CLSTN2: variants seen among roughly 807,000 people sequenced by gnomAD.
CLSTN2 encodes calsyntenin 2.
CLSTN2 carries 48 observed loss-of-function variants against 101.2 expected under a neutral mutation model. The observed-to-expected ratio is 0.47, with a 90% CI of 0.38 to 0.60. The LOEUF (loss-of-function observed/expected upper bound fraction) is 0.60. Ranked by LOEUF, CLSTN2 falls within the 20% of genes least tolerant of loss-of-function variation. The probability of loss-of-function intolerance (pLI) is 0.00; values close to 1 mark genes in which losing one functional copy is unlikely to be tolerated. For missense variants in CLSTN2, 1,160 were observed against 1,238.2 expected (o/e 0.94, Z 0.95); for synonymous variants, 481 against 463.6 (o/e 1.04, Z -0.48).
At chr3:140,495,980 C>T (rs1934457580) in intron 8 of CLSTN2, among the ~76,000 whole-genome samples, 1 of 152,032 alleles carries the variant, frequency 6.6e-6, no homozygotes. Flanking sequence ...TTTTAAAATA[C>T]TTTCTTCAAA....
chr3:140,270,983 G>A (rs1415477808), intron 2 of CLSTN2, among the ~76,000 whole-genome samples: 1 of 152,102 alleles, frequency 6.6e-6, no homozygotes, highest in Non-Finnish European at 1.5e-5. Flanking sequence ...GGATAGTCTT[G>A]CAACAGAGTA....
At chr3:140,073,714 G>A (rs538873116) in intron 1 of CLSTN2, among the ~76,000 whole-genome samples, 1 of 152,358 alleles carries the variant, frequency 6.6e-6, no homozygotes, top group East Asian at 1.9e-4. Context: ...TTGGCAGAGA[G>A]CATTTAAAAT....
intron 1 of CLSTN2, among the ~76,000 whole-genome samples, chr3:140,003,348 T>C (rs1414102608): frequency 6.6e-6 from 1 of 152,232 alleles, no homozygotes; most frequent in East Asian, 1.9e-4. Context: ...ATTTTTCGTA[T>C]TGTTCACTAT....
chr3:140,568,642 T>A lies in CLSTN2; in HGVS notation c.*2389T>A, dbSNP rs1053192508. ...GCAGCAAAAAGAACACTTCATATGC[T>A]TAAAACCCATTCTTTTTGAATTAGA... On this transcript the variant is annotated 3_prime_UTR_variant, in exon 17 of 17. Coordinates refer to ENST00000458420, the MANE Select transcript of CLSTN2 (RefSeq NM_022131.3). 3 of 152,236 alleles carry A rather than the reference T, an allele frequency of 2.0e-5. No individual in the cohort carries two copies. Among genetic ancestry groups the A allele is most frequent in the Non-Finnish European group, 4.4e-5 (3 of 68,044 alleles). 9.4% of individuals were successfully genotyped at this position (152,236 alleles called of 1,614,324 possible).
At chr3:140,415,150 AT>A (rs2088413844) in intron 4 of CLSTN2, among the ~76,000 whole-genome samples, 1 of 152,012 alleles carries the variant, frequency 6.6e-6, no homozygotes, top group Admixed American at 6.6e-5. Context: ...ACAAAGCAAA[AT>A]TGGACCCTTC....
At chr3:140,515,631 A>C (rs184484378) in intron 8 of CLSTN2, among the ~76,000 whole-genome samples, 2 of 152,256 alleles carry the variant, frequency 1.3e-5, no homozygotes, top group Non-Finnish European at 2.9e-5. Context: ...TTACCCAACA[A>C]GCATTCAGGA....
intron 2 of CLSTN2, among the ~76,000 whole-genome samples, chr3:140,201,965 G>T (rs536674726): frequency 6.6e-6 from 1 of 152,158 alleles, no homozygotes; most frequent in Non-Finnish European, 1.5e-5. Context: ...GCAAAGTTTC[G>T]AAGGAAATGA....
At chr3:140,332,935 C>T (rs2087401722) in intron 2 of CLSTN2, among the ~76,000 whole-genome samples, 1 of 152,194 alleles carries the variant, frequency 6.6e-6, no homozygotes, top group African/African-American at 2.4e-5. Flanking sequence ...GACCTGTATT[C>T]AAAGCCAGGT....
At chr3:139,948,869 G>A (rs1935251356) in intron 1 of CLSTN2, among the ~76,000 whole-genome samples, 1 of 152,128 alleles carries the variant, frequency 6.6e-6, no homozygotes, top group South Asian at 2.1e-4. Flanking sequence ...CCTGTTCCTG[G>A]GCTAGAAATG....
chr3:140,326,573 G>A (rs1022558787), intron 2 of CLSTN2, among the ~76,000 whole-genome samples: 14 of 152,134 alleles, frequency 9.2e-5, no homozygotes, highest in African/African-American at 2.7e-4. Flanking sequence ...AACACATGGC[G>A]TATTTAATAT....
chr3:140,245,104 G>A (rs115082033), intron 2 of CLSTN2, among the ~76,000 whole-genome samples: 267 of 152,224 alleles, frequency 1.8e-3, no homozygotes, highest in African/African-American at 6.2e-3. Context: ...AGTTATTCTG[G>A]TATGTGTGGC....
At chr3:140,266,354 A>G (rs915412636) in intron 2 of CLSTN2, among the ~76,000 whole-genome samples, 2 of 152,238 alleles carry the variant, frequency 1.3e-5, no homozygotes, top group Non-Finnish European at 2.9e-5. Flanking sequence ...AAACAACAAA[A>G]GAAAACTTGA....
In CLSTN2 at chr3:140,299,986, T is replaced by A. The variant is rs2087042955; in HGVS notation, c.233-103643T>A. On this transcript the variant is annotated intron_variant, in intron 2 of 16. Transcript: ENST00000458420. ...TGGTTTTGTGTACAGCCTTGCCTTT[T>A]GATGAAAAGAATAACTTCCGAATTG... Among the ~76,000 whole-genome samples the A allele has an allele frequency of 2.6e-5, 4 of 152,170 alleles. No homozygotes were observed. In the South Asian group the frequency reaches 8.3e-4, roughly 31 times the overall value.
intron 4 of CLSTN2, 45 bp downstream of exon 4, chr3:140,404,811 C>A: frequency 6.6e-7 from 1 of 1,514,934 alleles, no homozygotes; most frequent in Non-Finnish European, 9.2e-7. Context: ...AAAACAAATC[C>A]ATCGCCTCCA....
intron 9 of CLSTN2, among the ~76,000 whole-genome samples, chr3:140,541,362 G>A (rs1935473938): frequency 1.3e-5 from 2 of 152,232 alleles, no homozygotes; most frequent in African/African-American, 4.8e-5. Context: ...CCTGAGTGGG[G>A]GAGATTTAAG....
rs1985565355 is a variant in CLSTN2, at chr3:140,571,910, T to G, written c.*5657T>G. On this transcript the variant is annotated 3_prime_UTR_variant, in exon 17 of 17. Transcript: ENST00000458420. ...AGAAAGCTGACAGATATTCCCTGTA[T>G]GCAGGTAGTAAACAGATGGGAGTCT... The G allele has an allele frequency of 6.6e-6, 1 of 152,320 alleles. No homozygotes were observed. The highest frequency in any genetic ancestry group is 2.4e-5 in the African/African-American group (1 of 41,466). The allele number at this position is 152,320 out of a possible 1,614,324, so 9.4% of individuals were successfully genotyped here.
In CLSTN2 at chr3:139,955,112, CTATATATATATA is replaced by C. The variant is rs58418059; in HGVS notation, c.109+19645_109+19656del. Among the ~76,000 whole-genome samples the C allele has an allele frequency of 4.2e-4, 30 of 71,504 alleles. 1 individual carries two copies. Among genetic ancestry groups the C allele is most frequent in the Admixed American group, 9.1e-4 (5 of 5,476 alleles). 46.9% of individuals were successfully genotyped at this position (71,504 alleles called of 152,430 possible). A position where few individuals can be genotyped will look rare whatever the true frequency, so the allele number is the denominator to read the frequency against. ...CATACATGTATATATGGCAATATTG[CTATATATATATA>C]TATATATATATATATGGCAATTCCA... On this transcript the variant is annotated intron_variant, in intron 1 of 16. Coordinates refer to ENST00000458420, the MANE Select transcript of CLSTN2 (RefSeq NM_022131.3).
At chr3:140,282,131 G>C (rs371715313) in intron 2 of CLSTN2, among the ~76,000 whole-genome samples, 4 of 152,194 alleles carry the variant, frequency 2.6e-5, no homozygotes, top group African/African-American at 9.6e-5. Context: ...CTTACACTAT[G>C]TCTCTGCTTA....
chr3:140,229,200 A>T (rs2086350498), intron 2 of CLSTN2, among the ~76,000 whole-genome samples: 1 of 152,184 alleles, frequency 6.6e-6, no homozygotes, highest in Non-Finnish European at 1.5e-5. Flanking sequence ...ACCTATCCAT[A>T]TCCAGGATTT....
Sources: allele counts gnomAD v4.1 joint callset (sites outside exome capture counted in the v4.1 genomes callset), GRCh38; gene constraint gnomAD v4.1.1; transcripts MANE v1.5; gene names NCBI Gene and HGNC (gene_info 2026-07-23, HGNC 2026-07-21).